Variants in PDE8B observed in about 807,000 individuals in gnomAD.
The protein encoded by PDE8B is phosphodiesterase 8B.
PDE8B carries 26 observed loss-of-function variants against 101.3 expected under a neutral mutation model. That is an observed-to-expected ratio of 0.26 (90% CI 0.19 to 0.36). The LOEUF is 0.36. Ranked by LOEUF, PDE8B falls within the 10% of genes least tolerant of loss-of-function variation. The probability of loss-of-function intolerance (pLI) is 1.00; values close to 1 mark genes in which losing one functional copy is unlikely to be tolerated. For synonymous variants in PDE8B, 424 were observed against 429.3 expected, an observed-to-expected ratio of 0.99 and a Z score of 0.15; for missense variants, 810 against 1,163.1, an observed-to-expected ratio of 0.70 and a Z score of 4.42.
chr5:77,228,366 G>C lies in PDE8B; in HGVS notation c.339+17102G>C, dbSNP rs545572831. Among the ~76,000 whole-genome samples the C allele has an allele frequency of 9.2e-5, 14 of 152,280 alleles. No individual in the cohort carries two copies. In the East Asian group the frequency reaches 2.7e-3, roughly 29 times the overall value. On this transcript the variant is annotated intron_variant, in intron 1 of 21. Coordinates refer to ENST00000264917, the MANE Select transcript of PDE8B (RefSeq NM_003719.5). ...GTGGGAATCATTGGGGGCTGTGTTG[G>C]AACCTGCCTGTCCTACAAGTGTCTG...
intron 1 of PDE8B, chr5:77,290,942 TG>T: frequency 1.2e-6 from 2 of 1,610,642 alleles, no homozygotes; most frequent in South Asian, 2.2e-5. Context: ...TGACTTGTGG[TG>T]GAGCAGATAC....
At chr5:77,168,824 C>T in the PDE8B span, among the ~76,000 whole-genome samples, 3,212 of 152,318 alleles carry the variant, frequency 0.021, 103 homozygotes, top group African/African-American at 0.073. Flanking sequence ...GGAAGCTCCA[C>T]CTCGTCCCTG....
At chr5:77,327,383 G>C (rs1776243334) in intron 3 of PDE8B, among the ~76,000 whole-genome samples, 1 of 152,212 alleles carries the variant, frequency 6.6e-6, no homozygotes, top group Admixed American at 6.5e-5. Flanking sequence ...CAACCCAAAA[G>C]ATGGAAGCCA....
intron 17 of PDE8B, among the ~76,000 whole-genome samples, chr5:77,415,923 G>C (rs1231049786): frequency 2.0e-5 from 3 of 152,222 alleles, no homozygotes; most frequent in Non-Finnish European, 4.4e-5. Context: ...GTGTGATCCA[G>C]ATCTACTCCT....
the PDE8B span, among the ~76,000 whole-genome samples, chr5:77,134,024 C>T: frequency 1.3e-5 from 2 of 152,068 alleles, no homozygotes; most frequent in Non-Finnish European, 2.9e-5. Flanking sequence ...TACCTGGGGC[C>T]GATCTGTAGT....
At chr5:77,351,976 A>G (rs1285003382) in intron 9 of PDE8B, among the ~76,000 whole-genome samples, 1 of 152,226 alleles carries the variant, frequency 6.6e-6, no homozygotes, top group Non-Finnish European at 1.5e-5. Context: ...GTTTCATAAA[A>G]TCAGCCAGGT....
chr5:77,147,110 A>C, the PDE8B span: 1 of 364,248 alleles, frequency 2.7e-6, no homozygotes. Flanking sequence ...CGGCTAAAAA[A>C]AGCAAAAAAA....
At chr5:77,210,020 C>A (rs989396060), upstream of PDE8B, among the ~76,000 whole-genome samples, 1 of 152,102 alleles carries the variant, frequency 6.6e-6, no homozygotes, top group Admixed American at 6.5e-5. The surrounding 1 kb of genome is among the most constrained non-coding windows in gnomAD (Gnocchi z 4.9). Context: ...GAGGACGGAA[C>A]CATGAGGTCT....
chr5:77,386,346 C>A (rs967455676), intron 10 of PDE8B, among the ~76,000 whole-genome samples: 1 of 152,118 alleles, frequency 6.6e-6, no homozygotes, highest in Non-Finnish European at 1.5e-5. Flanking sequence ...AATTTTCTGT[C>A]TTGTTGATCT....
At chr5:77,139,072 A>G in the PDE8B span, among the ~76,000 whole-genome samples, 1 of 152,230 alleles carries the variant, frequency 6.6e-6, no homozygotes, top group African/African-American at 2.4e-5. Flanking sequence ...GTTAGTCAAC[A>G]TCTGTCACAA....
chr5:77,215,865 C>A (rs1339453236), intron 1 of PDE8B, among the ~76,000 whole-genome samples: 1 of 152,144 alleles, frequency 6.6e-6, no homozygotes, highest in Non-Finnish European at 1.5e-5. Context: ...AATGTTGGGG[C>A]CAGGCAGGCA....
At chr5:77,113,682 G>C in the PDE8B span, 9 of 152,312 alleles carry the variant, frequency 5.9e-5, no homozygotes, top group East Asian at 1.5e-3. Context: ...TTAAACTAAA[G>C]AGCTTCTGCA....
At chr5:77,289,665 G>T (rs562464768) in intron 1 of PDE8B, among the ~76,000 whole-genome samples, 5 of 152,286 alleles carry the variant, frequency 3.3e-5, no homozygotes, top group Non-Finnish European at 5.9e-5. Flanking sequence ...AAAATGAAAA[G>T]GTTGGACAAG....
At chr5:77,337,156 T>C (rs1778346323) in intron 5 of PDE8B, 71 bp from the exon 6 acceptor site, 1 of 844,064 alleles carries the variant, frequency 1.2e-6, no homozygotes, top group East Asian at 2.6e-5. Flanking sequence ...GAACAACTGT[T>C]AAGTTTCTCT....
chr5:77,124,242 C>T, the PDE8B span, among the ~76,000 whole-genome samples: 1 of 152,016 alleles, frequency 6.6e-6, no homozygotes, highest in Non-Finnish European at 1.5e-5. Flanking sequence ...AAGACTCAGA[C>T]CCAGAAACAA....
At chr5:77,099,714 C>T in the PDE8B span, among the ~76,000 whole-genome samples, 2 of 151,934 alleles carry the variant, frequency 1.3e-5, no homozygotes, top group Non-Finnish European at 2.9e-5. Flanking sequence ...CAGGTTCAAG[C>T]GATTCCTGTC....
chr5:77,200,947 C>T, the PDE8B span, among the ~76,000 whole-genome samples: 5 of 152,272 alleles, frequency 3.3e-5, no homozygotes, highest in East Asian at 5.8e-4. Context: ...AAATGTCAAA[C>T]CCCAAGAAGG....
chr5:77,328,784 C>A (rs754505424), intron 3 of PDE8B, among the ~76,000 whole-genome samples: 11 of 152,012 alleles, frequency 7.2e-5, no homozygotes, highest in Non-Finnish European at 1.3e-4. Context: ...TGGATAATTG[C>A]CTGGGAGTTA....
At chr5:77,259,618 C>CT (rs1760059919) in intron 1 of PDE8B, among the ~76,000 whole-genome samples, 1 of 152,182 alleles carries the variant, frequency 6.6e-6, no homozygotes, top group African/African-American at 2.4e-5. Context: ...CTTCTCTACT[C>CT]TAAGAAGGAG....
Sources: gnomAD v4.1 joint callset for allele counts (sites outside exome capture counted in the v4.1 genomes callset) on GRCh38, gnomAD v4.1.1 for gene constraint, Gnocchi (gnomAD v3.1) non-coding constraint, MANE v1.5 for transcripts, NCBI Gene and HGNC (gene_info 2026-07-23, HGNC 2026-07-21) for gene names.